NDST4: variants seen among roughly 807,000 people sequenced by gnomAD.
NDST4 encodes the protein N-heparan sulfate sulfotransferase 4.
A neutral mutation model predicts 100.8 loss-of-function variants in NDST4; 63 were observed. The ratio of observed to expected loss-of-function variants is 0.62; its 90% CI spans 0.51 to 0.77. NDST4 has a LOEUF of 0.77. Among genes scored for constraint, NDST4 ranks in the 30% least tolerant of loss-of-function variants. NDST4 has a pLI of 0.00. For missense variants in NDST4, 943 were observed against 1,018.4 expected (o/e 0.93, Z 1.01); for synonymous variants, 377 against 361.8 (o/e 1.04, Z -0.48).
At chr4:114,979,815 AAATG>A (rs1462519911) in intron 2 of NDST4, among the ~76,000 whole-genome samples, 7 of 152,116 alleles carry the variant, frequency 4.6e-5, no homozygotes, top group African/African-American at 7.2e-5. Context: ...GAGGGAGTAA[AAATG>A]ACAAATTCTA....
chr4:115,042,570 A>G (rs1232218539), intron 2 of NDST4, among the ~76,000 whole-genome samples: 1 of 152,034 alleles, frequency 6.6e-6, no homozygotes, highest in African/African-American at 2.4e-5. Flanking sequence ...TTTTGTTAAA[A>G]CCTTACCGTG....
chr4:114,979,633 G>A (rs1370118244), intron 2 of NDST4, among the ~76,000 whole-genome samples: 1 of 152,018 alleles, frequency 6.6e-6, no homozygotes, highest in East Asian at 2.0e-4. Flanking sequence ...TCACCAGGAT[G>A]TTTTATAACA....
intron 2 of NDST4, among the ~76,000 whole-genome samples, chr4:115,071,276 TCACACACA>T (rs70964340): frequency 0.019 from 2,603 of 138,230 alleles, 50 homozygotes; most frequent in African/African-American, 0.048. Flanking sequence ...AAGTATGCCT[TCACACACA>T]CACACACACA....
intron 6 of NDST4, among the ~76,000 whole-genome samples, chr4:114,876,007 T>C (rs1233957479): frequency 1.3e-5 from 2 of 152,212 alleles, no homozygotes; most frequent in African/African-American, 2.4e-5. Context: ...ATTTGGGTAC[T>C]TAGTCCTGTG....
At chr4:115,042,649 A>G (rs1425070971) in intron 2 of NDST4, among the ~76,000 whole-genome samples, 5 of 152,100 alleles carry the variant, frequency 3.3e-5, no homozygotes, top group Non-Finnish European at 1.5e-5. Context: ...TGTAGTATAT[A>G]TAGAGAGAGT....
At chr4:115,037,092 G>A (rs1358027723) in intron 2 of NDST4, among the ~76,000 whole-genome samples, 2 of 151,944 alleles carry the variant, frequency 1.3e-5, no homozygotes, top group African/African-American at 4.8e-5. Flanking sequence ...AAGAGGAACA[G>A]GATTTTATAA....
rs548633607 is a variant in NDST4 at position 115,057,972 on chromosome 4, A to T, written c.978+18087T>A. The stretch of plus-strand genomic sequence containing the variant: ...GGCAAATGTAAATATGTATAACTGT[A>T]AGCATGTGTATATGTATATATGTTT... On this transcript the variant is annotated intron_variant, in intron 2 of 13. Transcript: ENST00000264363. Among the ~76,000 whole-genome samples the T allele has an allele frequency of 5.9e-5, 9 of 152,300 alleles. No homozygotes were observed. In the South Asian group the frequency reaches 1.7e-3, roughly 28 times the overall value.
intron 6 of NDST4, among the ~76,000 whole-genome samples, chr4:114,932,360 C>T (rs1211475559): frequency 6.6e-6 from 1 of 151,788 alleles, no homozygotes; most frequent in Non-Finnish European, 1.5e-5. Flanking sequence ...ACAATTAGTG[C>T]CATATATTAC....
At chr4:114,842,817 A>C (rs546683458) in intron 10 of NDST4, 170 of 155,436 alleles carry the variant, frequency 1.1e-3, no homozygotes, top group African/African-American at 3.8e-3. Context: ...ACAAAAAAGC[A>C]ACAACAACAA....
At chr4:115,027,420 G>A (rs931252652) in intron 2 of NDST4, among the ~76,000 whole-genome samples, 5 of 151,974 alleles carry the variant, frequency 3.3e-5, no homozygotes, top group African/African-American at 1.2e-4. Flanking sequence ...CAAGCTCTCT[G>A]GGCTATCTCT....
chr4:115,039,887 G>T (rs926070485), intron 2 of NDST4, among the ~76,000 whole-genome samples: 1 of 151,866 alleles, frequency 6.6e-6, no homozygotes, highest in African/African-American at 2.4e-5. Flanking sequence ...TAATAAAAGA[G>T]CTCAAATAAT....
chr4:115,016,984 T>C (rs946765682), intron 2 of NDST4, among the ~76,000 whole-genome samples: 3 of 149,736 alleles, frequency 2.0e-5, no homozygotes, highest in African/African-American at 7.6e-5. Context: ...GTTTTGAGTG[T>C]TCATGTGTGT....
chr4:114,992,771 T>C (rs1301102487), intron 2 of NDST4, among the ~76,000 whole-genome samples: 3 of 151,860 alleles, frequency 2.0e-5, no homozygotes, highest in Non-Finnish European at 4.4e-5. Flanking sequence ...AGTTTTACAA[T>C]TAATTTAGAA....
chr4:115,109,983 T>G (rs1257900021), intron 1 of NDST4, among the ~76,000 whole-genome samples: 1 of 151,962 alleles, frequency 6.6e-6, no homozygotes, highest in East Asian at 1.9e-4. Flanking sequence ...AAAATATTTT[T>G]GCCTTGAAAT....
chr4:115,042,409 C>T (rs572044024), intron 2 of NDST4, among the ~76,000 whole-genome samples: 117 of 152,154 alleles, frequency 7.7e-4, no homozygotes, highest in African/African-American at 2.7e-3. Context: ...TGTTATTCAC[C>T]TCGCTTTGCC....
chr4:114,909,222 A>T (rs556343472), intron 6 of NDST4, among the ~76,000 whole-genome samples: 3 of 152,320 alleles, frequency 2.0e-5, no homozygotes, highest in African/African-American at 7.2e-5. Flanking sequence ...ATAATTAAAA[A>T]GTTAATGTTT....
chr4:114,892,514 C>A (rs73850725), intron 6 of NDST4, among the ~76,000 whole-genome samples: 2 of 152,024 alleles, frequency 1.3e-5, no homozygotes, highest in East Asian at 3.9e-4. Flanking sequence ...TTCTGACCAT[C>A]AAAGATGTCT....
chr4:114,949,652 CCCAGCAATAT>C (rs1446154609), intron 4 of NDST4, among the ~76,000 whole-genome samples: 3 of 151,954 alleles, frequency 2.0e-5, no homozygotes, highest in Admixed American at 2.0e-4. Context: ...AGGGCAGAGC[CCCAGCAATAT>C]CTAGCCTCCT....
chr4:114,911,976 G>T (rs1725072400), intron 6 of NDST4, among the ~76,000 whole-genome samples: 1 of 152,122 alleles, frequency 6.6e-6, no homozygotes, highest in South Asian at 2.1e-4. Flanking sequence ...GGCATTAGGT[G>T]CAGACAGATG....
Sources: gnomAD v4.1 joint callset for allele counts (sites outside exome capture counted in the v4.1 genomes callset) on GRCh38, gnomAD v4.1.1 for gene constraint, MANE v1.5 for transcripts, NCBI Gene and HGNC (gene_info 2026-07-23, HGNC 2026-07-21) for gene names.